Variants in ERC1 observed in about 807,000 individuals in gnomAD.
The protein encoded by ERC1 is RAB6 interacting protein 2.
ERC1 carries 56 observed loss-of-function variants against 132.0 expected under a neutral mutation model. That is an observed-to-expected ratio of 0.42 (90% CI 0.34 to 0.53). The LOEUF is 0.53. ERC1 is among the 20% of genes least tolerant of loss of function. ERC1 has a pLI of 0.03. For synonymous variants in ERC1, 478 were observed against 476.1 expected, an observed-to-expected ratio of 1.00 and a Z score of -0.05; for missense variants, 1,202 against 1,349.9, an observed-to-expected ratio of 0.89 and a Z score of 1.72.
intron 7 of ERC1, among the ~76,000 whole-genome samples, chr12:1,125,543 C>T (rs1379517706): frequency 1.3e-5 from 2 of 152,058 alleles, no homozygotes; most frequent in South Asian, 2.1e-4. Context: ...CGGCCGGGCA[C>T]GGTGGCTCAC....
intron 12 of ERC1, among the ~76,000 whole-genome samples, chr12:1,218,625 A>G (rs925274427): frequency 2.6e-5 from 4 of 152,094 alleles, no homozygotes; most frequent in Non-Finnish European, 2.9e-5. Context: ...AATCACTTCC[A>G]TGGCCCCATC....
chr12:1,181,569 C>T (rs1043127800), intron 9 of ERC1, among the ~76,000 whole-genome samples: 2 of 151,932 alleles, frequency 1.3e-5, no homozygotes, highest in South Asian at 2.1e-4. Context: ...GAGGCCGAGG[C>T]GGGTGGATCA....
At chr12:1,137,691 A>G (rs1207732527) in intron 7 of ERC1, among the ~76,000 whole-genome samples, 1 of 151,038 alleles carries the variant, frequency 6.6e-6, no homozygotes. Context: ...CTCTACTAAA[A>G]ATACAAAAAA....
chr12:1,084,035 G>A (rs999003489), intron 3 of ERC1, among the ~76,000 whole-genome samples: 2 of 152,182 alleles, frequency 1.3e-5, no homozygotes, highest in Non-Finnish European at 2.9e-5. Context: ...TATTTGCCCT[G>A]TGGTTTCCAT....
chr12:1,007,460 T>C (rs1963843410), intron 1 of ERC1, among the ~76,000 whole-genome samples: 1 of 134,962 alleles, frequency 7.4e-6, no homozygotes, highest in African/African-American at 2.8e-5. Context: ...GGGTAATTCA[T>C]TCTCTCTCTC....
intron 8 of ERC1, among the ~76,000 whole-genome samples, chr12:1,159,574 A>C (rs1009959949): frequency 6.6e-6 from 1 of 152,208 alleles, no homozygotes; most frequent in African/African-American, 2.4e-5. Flanking sequence ...TGAATAAGTC[A>C]GATCTTTTTT....
chr12:1,291,657 C>T (rs1285731952), intron 15 of ERC1, among the ~76,000 whole-genome samples: 1 of 152,126 alleles, frequency 6.6e-6, no homozygotes, highest in African/African-American at 2.4e-5. Context: ...CAGCAAAGCA[C>T]TAGAATAGCT....
Position 1,421,346 on chromosome 12 carries a change from G to A in ERC1, c.3024+13099G>A, listed in dbSNP as rs79393094. ...ATCTCAAGGCAGCTGATCAGAGGAC[G>A]AGAGATATTTCTCAAATCTTCCTCC... On this transcript the variant is annotated intron_variant, in intron 17 of 18. Coordinates refer to ENST00000360905, the MANE Select transcript of ERC1 (RefSeq NM_178040.4). 4.3e-3 allele frequency among the ~76,000 whole-genome samples: 662 copies of A among 152,274 alleles called. 9 individuals carry two copies. The highest frequency in any genetic ancestry group is 0.015 in the African/African-American group (624 of 41,556).
At chr12:1,367,162 T>G (rs544857319) in intron 15 of ERC1, among the ~76,000 whole-genome samples, 1 of 152,322 alleles carries the variant, frequency 6.6e-6, no homozygotes, top group Non-Finnish European at 1.5e-5. Flanking sequence ...GATAGTTAAT[T>G]GGTTAAATAA....
At chr12:1,282,308 G>A (rs2078734606) in intron 14 of ERC1, among the ~76,000 whole-genome samples, 1 of 152,000 alleles carries the variant, frequency 6.6e-6, no homozygotes, top group African/African-American at 2.4e-5. Context: ...CACTAACCCT[G>A]TTTCTTTTGC....
chr12:1,096,888 C>T (rs1944105034), intron 3 of ERC1, among the ~76,000 whole-genome samples: 1 of 152,112 alleles, frequency 6.6e-6, no homozygotes, highest in African/African-American at 2.4e-5. Flanking sequence ...CTAAAAGTAA[C>T]CAGTGTTCTG....
At chr12:1,108,523 G>T (rs748919236) in intron 4 of ERC1, among the ~76,000 whole-genome samples, 1 of 152,128 alleles carries the variant, frequency 6.6e-6, no homozygotes, top group Non-Finnish European at 1.5e-5. Flanking sequence ...TCTTTCATTT[G>T]TAGGCTAGTC....
At chr12:1,202,417 G>A (rs977970794) in intron 12 of ERC1, among the ~76,000 whole-genome samples, 1 of 152,124 alleles carries the variant, frequency 6.6e-6, no homozygotes, top group Non-Finnish European at 1.5e-5. Flanking sequence ...TAGCACTTTG[G>A]GAGGTGAAAG....
At chr12:993,873 G>A (rs1960194599) in intron 1 of ERC1, among the ~76,000 whole-genome samples, 1 of 152,124 alleles carries the variant, frequency 6.6e-6, no homozygotes, top group Admixed American at 6.6e-5. Context: ...CTGCACTCCA[G>A]TCTGGGCTAC....
At chr12:1,057,311 A>G (rs976806954) in intron 2 of ERC1, among the ~76,000 whole-genome samples, 2 of 151,444 alleles carry the variant, frequency 1.3e-5, no homozygotes, top group African/African-American at 4.9e-5. Flanking sequence ...TTTAGTAGAG[A>G]CTGGGTTTCG....
chr12:1,004,406 T>TC (rs1475862852), intron 1 of ERC1, among the ~76,000 whole-genome samples: 3 of 136,280 alleles, frequency 2.2e-5, no homozygotes, highest in East Asian at 2.0e-4. Context: ...TTTCTCTTTT[T>TC]TTTTTTTTTT....
chr12:1,120,753 T>C (rs138732689), intron 7 of ERC1, among the ~76,000 whole-genome samples: 1,614 of 152,326 alleles, frequency 0.011, 33 homozygotes, highest in African/African-American at 0.036. Context: ...TTCTGTTTAT[T>C]ATAGGTAAGG....
intron 16 of ERC1, among the ~76,000 whole-genome samples, chr12:1,404,126 A>G (rs1300498836): frequency 6.6e-6 from 1 of 152,186 alleles, no homozygotes; most frequent in East Asian, 1.9e-4. Context: ...ATTGCTCACC[A>G]TTTTGGAGAC....
intron 14 of ERC1, 24 bp from the exon 15 acceptor site, chr12:1,289,828 T>A (rs2079313368): frequency 6.2e-7 from 1 of 1,606,768 alleles, no homozygotes; most frequent in African/African-American, 1.3e-5. Context: ...CACTCTGTTG[T>A]TCTCTTTCCC....
Sources: allele counts gnomAD v4.1 joint callset (sites outside exome capture counted in the v4.1 genomes callset), GRCh38; gene constraint gnomAD v4.1.1; transcripts MANE v1.5; gene names NCBI Gene and HGNC (gene_info 2026-07-23, HGNC 2026-07-21).